The following XPO6 variants were observed in gnomAD, a reference collection of about 807,000 sequenced individuals.
XPO6 encodes the protein exportin 6, also known as exportin-6.
Under a neutral mutation model 130.0 loss-of-function variants are expected in XPO6, and 3 were observed. The ratio of observed to expected loss-of-function variants is 0.02; its 90% CI spans 0.01 to 0.06. The LOEUF (loss-of-function observed/expected upper bound fraction) is 0.06. Among genes scored for constraint, XPO6 ranks in the 10% least tolerant of loss-of-function variants. The pLI is 1.00. For synonymous variants in XPO6, 524 were observed against 548.9 expected (o/e 0.95, Z 0.63); for missense variants, 970 against 1,393.0 (o/e 0.70, Z 4.83).
intron 1 of XPO6, among the ~76,000 whole-genome samples, chr16:28,190,670 TGGTAGTAGG>T (rs2043771657): frequency 6.6e-6 from 1 of 152,018 alleles, no homozygotes; most frequent in Admixed American, 6.6e-5. Flanking sequence ...GGAATACAGG[TGGTAGTAGG>T]TTAGATCAAA....
chr16:28,118,952 G>C (rs2087149866), intron 14 of XPO6, among the ~76,000 whole-genome samples: 1 of 152,202 alleles, frequency 6.6e-6, no homozygotes, highest in African/African-American at 2.4e-5. Context: ...ATTGCTACTG[G>C]ATTGTCACTG....
intron 9 of XPO6, among the ~76,000 whole-genome samples, chr16:28,136,878 T>A (rs903059250): frequency 6.6e-6 from 1 of 152,246 alleles, no homozygotes; most frequent in Non-Finnish European, 1.5e-5. Context: ...TAGTAAGCTC[T>A]CCACATCAAT....
At chr16:28,123,136 G>C (rs2087287327) in intron 13 of XPO6, among the ~76,000 whole-genome samples, 1 of 152,044 alleles carries the variant, frequency 6.6e-6, no homozygotes, top group South Asian at 2.1e-4. Flanking sequence ...AAAGCGTCTT[G>C]CTCTGTCAAC....
chr16:28,193,671 G>T (rs1301825841), intron 1 of XPO6, among the ~76,000 whole-genome samples: 1 of 152,122 alleles, frequency 6.6e-6, no homozygotes, highest in African/African-American at 2.4e-5. Flanking sequence ...CAGGTGAAAT[G>T]AAACAGGTAC....
intron 1 of XPO6, among the ~76,000 whole-genome samples, chr16:28,186,486 C>T (rs921988241): frequency 7.4e-5 from 11 of 147,658 alleles, no homozygotes; most frequent in African/African-American, 2.8e-4. Context: ...AATCCTCCTG[C>T]CTCAGCTTCA....
At chr16:28,147,360 C>T (rs544676198) in intron 8 of XPO6, among the ~76,000 whole-genome samples, 3 of 150,832 alleles carry the variant, frequency 2.0e-5, no homozygotes, top group Admixed American at 6.6e-5. Context: ...ACCAGGAGTT[C>T]GAGACCAGCC....
chr16:28,190,416 C>T (rs79069774), intron 1 of XPO6, among the ~76,000 whole-genome samples: 8,907 of 152,018 alleles, frequency 0.059, 652 homozygotes, highest in East Asian at 0.17. Flanking sequence ...AGAGACAAGA[C>T]TTCATCATGT....
At chr16:28,170,717 A>G (rs1567637021) in intron 4 of XPO6, among the ~76,000 whole-genome samples, 1 of 152,248 alleles carries the variant, frequency 6.6e-6, no homozygotes, top group African/African-American at 2.4e-5. Flanking sequence ...CCATACATAC[A>G]TGTCATTAAA....
intron 15 of XPO6, among the ~76,000 whole-genome samples, chr16:28,114,844 G>T (rs2087015058): frequency 6.6e-6 from 1 of 152,186 alleles, no homozygotes; most frequent in Non-Finnish European, 1.5e-5. Flanking sequence ...CCCTGCTGCT[G>T]CTTCATCAAC....
chr16:28,156,416 C>T lies in XPO6; in HGVS notation c.755G>A (p.Cys252Tyr), dbSNP rs1413947125. Residue 252 changes from cysteine (C) to tyrosine (Y), a missense_variant, in exon 7 of 24, where the codon TGC becomes TAC. Cys to Tyr is a radical substitution (Grantham distance 194, BLOSUM62 -2). This residue lies in a region of XPO6 where 936 missense variants were observed against 1,306.8 expected (regional missense o/e 0.72). Coordinates refer to ENST00000304658, the MANE Select transcript of XPO6 (RefSeq NM_015171.4). ...AATCCAACTGAAGAGATGGGCCAGG[C>T]ACTCCAAAGCCAGGGAACAGATATA... Reference protein sequence around the residue: ...SEYICSLALECLAHLFSWIPL... With the variant: ...SEYICSLALEYLAHLFSWIPL... 1 of 1,613,872 alleles carries T rather than the reference C, an allele frequency of 6.2e-7. No individual in the cohort carries two copies. Among genetic ancestry groups the T allele is most frequent in the African/African-American group, 1.3e-5 (1 of 74,854 alleles).
intron 9 of XPO6, among the ~76,000 whole-genome samples, chr16:28,136,665 G>A (rs572649595): frequency 3.0e-4 from 46 of 152,316 alleles, no homozygotes; most frequent in Middle Eastern, 3.4e-3. Flanking sequence ...TACTCAGAGC[G>A]GTAGGTTTGG....
chr16:28,142,136 G>A (rs2042906515), intron 9 of XPO6, among the ~76,000 whole-genome samples: 1 of 152,236 alleles, frequency 6.6e-6, no homozygotes, highest in Admixed American at 6.5e-5. Context: ...ATTTAAGACA[G>A]CAAGAAAACA....
chr16:28,165,782 T>G (rs546010030), intron 6 of XPO6, among the ~76,000 whole-genome samples: 1 of 152,330 alleles, frequency 6.6e-6, no homozygotes, highest in South Asian at 2.1e-4. Context: ...ATTCACAGGA[T>G]GTACTCTGCT....
chr16:28,127,449 G>C (rs906728336), intron 12 of XPO6, among the ~76,000 whole-genome samples: 1 of 152,212 alleles, frequency 6.6e-6, no homozygotes, highest in Non-Finnish European at 1.5e-5. Flanking sequence ...CAGCACAGCA[G>C]CTGGTACAGA....
chr16:28,199,149 GAAATT>G (rs1302006872), intron 1 of XPO6, among the ~76,000 whole-genome samples: 3 of 152,042 alleles, frequency 2.0e-5, no homozygotes, highest in Admixed American at 6.6e-5. Flanking sequence ...TCAAAAAAAT[GAAATT>G]AAATTAAATA....
chr16:28,119,288 G>A (rs2087163692), intron 14 of XPO6, among the ~76,000 whole-genome samples: 1 of 151,872 alleles, frequency 6.6e-6, no homozygotes, highest in South Asian at 2.1e-4. Context: ...CAAAGTGCTG[G>A]GATTACAAAC....
intron 6 of XPO6, among the ~76,000 whole-genome samples, chr16:28,161,860 T>A (rs1411102709): frequency 6.6e-6 from 1 of 152,068 alleles, no homozygotes; most frequent in Non-Finnish European, 1.5e-5. Flanking sequence ...AAAACCAAGT[T>A]AACTGGAAAG....
chr16:28,196,302 C>T (rs1448109263), intron 1 of XPO6, among the ~76,000 whole-genome samples: 1 of 152,066 alleles, frequency 6.6e-6, no homozygotes, highest in Non-Finnish European at 1.5e-5. Flanking sequence ...TCTTTTTATG[C>T]ATTCGGAGAT....
In XPO6 at chr16:28,132,287, T is replaced by C. The variant is rs1248183625; in HGVS notation, c.1606+47A>G. The C allele has an allele frequency of 7.1e-7, 1 of 1,411,212 alleles. No individual in the cohort carries two copies. The highest frequency in any genetic ancestry group is 9.9e-7 in the Non-Finnish European group (1 of 1,009,292). 87.4% of individuals were successfully genotyped at this position (1,411,212 alleles called of 1,614,324 possible). ...CAGCAGTAATGAAATATCAGTCCGA[T>C]GGTTTTTTGAATGTTTGGTTAAATT... On this transcript the variant is annotated intron_variant, in intron 12 of 23. Transcript: ENST00000304658. The surrounding 1 kb of genome is among the most constrained non-coding windows in gnomAD (Gnocchi z 4.0).
Sources: allele counts gnomAD v4.1 joint callset (sites outside exome capture counted in the v4.1 genomes callset), GRCh38; gene constraint gnomAD v4.1.1; regional missense constraint gnomAD v4.1.1; non-coding constraint Gnocchi (gnomAD v3.1); transcripts MANE v1.5; gene names NCBI Gene and HGNC (gene_info 2026-07-23, HGNC 2026-07-21).